HADHB: variants seen among roughly 807,000 people sequenced by gnomAD.
HADHB encodes hydroxyacyl-CoA dehydrogenase trifunctional multienzyme complex subunit beta, also known as trifunctional enzyme subunit beta, mitochondrial.
A neutral mutation model predicts 61.9 loss-of-function variants in HADHB; 50 were observed. The ratio of observed to expected loss-of-function variants is 0.81; its 90% confidence interval spans 0.64 to 1.02. The LOEUF is 1.02. HADHB is among the 50% of genes least tolerant of loss of function. HADHB has a pLI of 0.00. For missense variants in HADHB, 504 were observed against 586.5 expected (o/e 0.86, Z 1.45); for synonymous variants, 191 against 201.6 (o/e 0.95, Z 0.45).
chr2:26,275,787 T>C (rs1356718449), intron 6 of HADHB, among the ~76,000 whole-genome samples: 2 of 152,250 alleles, frequency 1.3e-5, no homozygotes, highest in African/African-American at 2.4e-5. Context: ...AACACATTTC[T>C]GTTTCTATAG....
chr2:26,285,086 G>T (rs1672972960), intron 14 of HADHB, 129 bp downstream of exon 14: 5 of 666,836 alleles, frequency 7.5e-6, no homozygotes, highest in Non-Finnish European at 1.3e-5. Flanking sequence ...TTTCATTAAA[G>T]ATATTTATTT....
chr2:26,248,460 C>T (rs1671248829), intron 1 of HADHB, among the ~76,000 whole-genome samples: 1 of 151,974 alleles, frequency 6.6e-6, no homozygotes, highest in Non-Finnish European at 1.5e-5. Context: ...CCACCCCTGG[C>T]CCACCTTGAG....
chr2:26,255,577 G>C (rs533262214), intron 3 of HADHB, among the ~76,000 whole-genome samples: 97 of 151,800 alleles, frequency 6.4e-4, no homozygotes, highest in African/African-American at 2.2e-3. Flanking sequence ...CTCTCTTCCA[G>C]CTCTACCTCT....
chr2:26,286,187 A>G (rs1415999033), intron 15 of HADHB, among the ~76,000 whole-genome samples: 2 of 152,236 alleles, frequency 1.3e-5, no homozygotes, highest in African/African-American at 2.4e-5. Context: ...AGAATCATCT[A>G]TAATCTCCCC....
intron 10 of HADHB, 117 bp downstream of exon 10, chr2:26,280,232 T>C (rs1017941005): frequency 8.2e-6 from 7 of 858,514 alleles, no homozygotes; most frequent in Non-Finnish European, 1.4e-5. Flanking sequence ...AATATAGTTA[T>C]TCATTTTAAT....
At chr2:26,277,230 GTACTT>G in intron 7 of HADHB, 70 bp downstream of exon 7, 10 of 503,066 alleles carry the variant, frequency 2.0e-5, no homozygotes, top group Admixed American at 3.7e-5. Context: ...TTATAAAAAT[GTACTT>G]TTTTTTTTTT....
At position 26,273,652 on chromosome 2, in the gene HADHB, G is replaced by A. The variant is rs761872400; in HGVS notation, c.256G>A (p.Gly86Ser). ...TTTGCTTTGGATTTCTACTTCCAGG[G>A]GTTTGTTGCATCGGACCAGTGTCCC... ...PHDLARAALT[G>S]LLHRTSVPKE... Residue 86 changes from glycine (G) to serine (S), a missense_variant and splice_region_variant, in exon 6 of 16, where the codon GGT (glycine) becomes AGT (serine). By Grantham distance (56) the Gly-to-Ser change is moderately conservative. Transcript: ENST00000317799. 1.9e-6 allele frequency: 3 copies of A among 1,549,156 alleles called. No individual in the cohort carries two copies. In the Admixed American group the frequency reaches 5.0e-5, roughly 26 times the overall value.
chr2:26,270,651 A>G (rs190741980), intron 5 of HADHB, among the ~76,000 whole-genome samples: 2 of 152,098 alleles, frequency 1.3e-5, no homozygotes, highest in East Asian at 3.9e-4. Context: ...TAATTGTATA[A>G]TCATTATTTC....
intron 3 of HADHB, among the ~76,000 whole-genome samples, chr2:26,260,081 G>GTTT (rs35276756): frequency 0.014 from 1,832 of 133,508 alleles, 61 homozygotes; most frequent in African/African-American, 0.043. Flanking sequence ...GTTTTTTCTG[G>GTTT]TTTTTTTTTT....
chr2:26,248,878 G>C (rs1671270964), intron 1 of HADHB, among the ~76,000 whole-genome samples: 1 of 152,104 alleles, frequency 6.6e-6, no homozygotes, highest in Non-Finnish European at 1.5e-5. Flanking sequence ...CCAACATGGT[G>C]AAACCCCATC....
chr2:26,263,248 G>A (rs1032514131), intron 3 of HADHB, 132 bp from the exon 4 acceptor site: 6 of 578,020 alleles, frequency 1.0e-5, no homozygotes, highest in African/African-American at 1.9e-5. Context: ...GCAGTGAGCC[G>A]AGATCACGCC....
intron 1 of HADHB, among the ~76,000 whole-genome samples, chr2:26,253,901 T>TAAAA (rs1553318193): frequency 1.4e-4 from 21 of 145,666 alleles, no homozygotes; most frequent in African/African-American, 3.7e-4. Context: ...AATAAATAAA[T>TAAAA]AAAAATTCCA....
intron 5 of HADHB, among the ~76,000 whole-genome samples, chr2:26,273,227 C>G (rs1331724207): frequency 2.0e-5 from 3 of 151,536 alleles, no homozygotes; most frequent in African/African-American, 4.9e-5. Flanking sequence ...ATATTTCAAA[C>G]TAAAATTTAA....
chr2:26,254,854 A>C (rs1246961947), intron 3 of HADHB: 6 of 230,502 alleles, frequency 2.6e-5, no homozygotes, highest in Non-Finnish European at 5.2e-5. Context: ...AATTTGTGAA[A>C]TGCTTCTCTA....
rs557300670 is a variant in HADHB at position 26,270,912 on chromosome 2, T to C, written c.254+915T>C. 2.0e-5 allele frequency among the ~76,000 whole-genome samples: 3 copies of C among 146,766 alleles called. No individual in the cohort carries two copies. In the South Asian group the frequency reaches 6.7e-4, roughly 33 times the overall value. ...TTTTTTTTTTGAGACGGAGTCTCGC[T>C]CTGTCACCCAGGCTGGAGTGCAGTG... is the stretch of plus-strand genomic sequence containing the variant. On this transcript the variant is annotated intron_variant, in intron 5 of 15. Transcript: ENST00000317799.
chr2:26,260,818 C>T (rs1671831373), intron 3 of HADHB: 1 of 591,460 alleles, frequency 1.7e-6, no homozygotes, highest in Non-Finnish European at 3.0e-6. Context: ...CTTTCCTGGT[C>T]TTTCTGCTTC....
At chr2:26,278,911 G>C (rs1672670031) in intron 8 of HADHB, 110 bp downstream of exon 8, 2 of 1,059,262 alleles carry the variant, frequency 1.9e-6, no homozygotes, top group African/African-American at 3.1e-5. Context: ...ACAGGAAAGG[G>C]TTAATTACTT....
rs72809685 is a variant in HADHB, at chr2:26,289,427, G to A, written c.1390-491G>A. The stretch of plus-strand genomic sequence containing the variant: ...TTACCTTAATAGCTTTGTGATTTGG[G>A]TGAGTCACTTAACCTTTCAGAGCCT... On this transcript the variant is annotated intron_variant, in intron 15 of 15. Transcript: ENST00000317799. Among the ~76,000 whole-genome samples the A allele has an allele frequency of 1.5e-3, 222 of 148,230 alleles. 1 individual carries two copies. The highest frequency in any genetic ancestry group is 2.5e-3 in the Non-Finnish European group (170 of 67,964).
At chr2:26,248,986 G>C (rs1671276716) in intron 1 of HADHB, among the ~76,000 whole-genome samples, 1 of 152,052 alleles carries the variant, frequency 6.6e-6, no homozygotes, top group South Asian at 2.1e-4. Context: ...GAACCCAGGA[G>C]GTGGAGGTTG....
Sources: gnomAD v4.1 joint callset for allele counts (sites outside exome capture counted in the v4.1 genomes callset) on GRCh38, gnomAD v4.1.1 for gene constraint, MANE v1.5 for transcripts, NCBI Gene and HGNC (gene_info 2026-07-23, HGNC 2026-07-21) for gene names.